The following DPP10 variants were observed in gnomAD, a reference collection of about 807,000 sequenced individuals.
DPP10 encodes the protein dipeptidyl peptidase like 10.
In DPP10, 33 loss-of-function variants were observed where a neutral mutation model predicts 120.9. The ratio of observed to expected loss-of-function variants is 0.27; its 90% CI spans 0.21 to 0.37. DPP10 has a LOEUF of 0.37. Among genes scored for constraint, DPP10 ranks in the 10% least tolerant of loss-of-function variants. The pLI is 1.00. For missense variants in DPP10, 816 were observed against 942.8 expected (o/e 0.87, Z 1.76); for synonymous variants, 337 against 326.1 (o/e 1.03, Z -0.36).
intron 5 of DPP10, among the ~76,000 whole-genome samples, chr2:115,659,295 C>T (rs1045000842): frequency 6.6e-6 from 1 of 152,066 alleles, no homozygotes; most frequent in African/African-American, 2.4e-5. Context: ...TATAGCAGCA[C>T]AAGTGAACTA....
At chr2:114,707,273 A>C (rs970745972) in intron 1 of DPP10, 3 of 152,238 alleles carry the variant, frequency 2.0e-5, no homozygotes, top group Non-Finnish European at 2.9e-5. Context: ...AAATAGGAAG[A>C]GCTGACACTT....
chr2:115,761,557 A>T (rs1192226429), intron 11 of DPP10, among the ~76,000 whole-genome samples: 1 of 152,140 alleles, frequency 6.6e-6, no homozygotes, highest in Non-Finnish European at 1.5e-5. Flanking sequence ...TGGTACTAAC[A>T]AGCAGTGGCA....
At chr2:114,780,004 T>C (rs921940670) in intron 1 of DPP10, among the ~76,000 whole-genome samples, 26 of 151,908 alleles carry the variant, frequency 1.7e-4, no homozygotes, top group African/African-American at 4.6e-4. Flanking sequence ...GGTGTGGTGG[T>C]GGTCGCCTGT....
At chr2:114,552,632 G>A (rs950818672) in intron 1 of DPP10, among the ~76,000 whole-genome samples, 10 of 151,664 alleles carry the variant, frequency 6.6e-5, no homozygotes, top group East Asian at 1.9e-4. Context: ...TGCAACCTCC[G>A]TCTCCCAGGT....
At chr2:115,729,264 G>T (rs1199550360) in intron 8 of DPP10, among the ~76,000 whole-genome samples, 1 of 152,122 alleles carries the variant, frequency 6.6e-6, no homozygotes, top group Admixed American at 6.6e-5. Context: ...GTTAGTTCTG[G>T]CAGTCTAGGT....
intron 1 of DPP10, among the ~76,000 whole-genome samples, chr2:115,083,359 G>A (rs1230863797): frequency 1.3e-5 from 2 of 152,050 alleles, no homozygotes; most frequent in Non-Finnish European, 2.9e-5. Context: ...TCAGATATAT[G>A]TCCCGAGGCC....
chr2:115,490,628 C>A (rs1448457), intron 3 of DPP10, among the ~76,000 whole-genome samples: 2 of 152,086 alleles, frequency 1.3e-5, no homozygotes, highest in African/African-American at 2.4e-5. Flanking sequence ...TCAGAATAAA[C>A]CTCTTTAAAG....
chr2:115,149,637 C>T (rs866489328), intron 1 of DPP10, among the ~76,000 whole-genome samples: 1 of 152,128 alleles, frequency 6.6e-6, no homozygotes, highest in Non-Finnish European at 1.5e-5. Flanking sequence ...ATCTGGTGTG[C>T]TCCTTTTCTT....
At chr2:115,023,120 C>T (rs993889990) in intron 1 of DPP10, among the ~76,000 whole-genome samples, 1 of 152,080 alleles carries the variant, frequency 6.6e-6, no homozygotes, top group South Asian at 2.1e-4. Context: ...AACTCAAAAG[C>T]AAATACAACA....
intron 5 of DPP10, among the ~76,000 whole-genome samples, chr2:115,547,308 AC>A (rs1455075626): frequency 6.6e-6 from 1 of 152,138 alleles, no homozygotes; most frequent in Non-Finnish European, 1.5e-5. Context: ...CAGCACTAAA[AC>A]CTTTTTTTAT....
chr2:114,873,663 C>G (rs1255018903), intron 1 of DPP10, among the ~76,000 whole-genome samples: 1 of 152,048 alleles, frequency 6.6e-6, no homozygotes, highest in African/African-American at 2.4e-5. Flanking sequence ...TAGAGAAATG[C>G]TGGCTAGCCA....
chr2:115,268,212 C>G lies in DPP10; in HGVS notation c.61-41027C>G, dbSNP rs185109502. 3.6e-3 allele frequency among the ~76,000 whole-genome samples: 552 copies of G among 152,224 alleles called. 3 individuals are homozygous for G. The highest frequency in any genetic ancestry group is 0.013 in the African/African-American group (525 of 41,550). On this transcript the variant is annotated intron_variant, in intron 1 of 25. Transcript: ENST00000410059. ...CTAGCTCTTTGCACTTTATATGGCT[C>G]ATCTCATTGAGTTCTTAGAATAACC...
At chr2:115,685,748 G>A (rs1335660387) in intron 5 of DPP10, among the ~76,000 whole-genome samples, 1 of 151,956 alleles carries the variant, frequency 6.6e-6, no homozygotes, top group Admixed American at 6.6e-5. Context: ...TTAAATAAAT[G>A]AATGTAGTTA....
intron 2 of DPP10, among the ~76,000 whole-genome samples, chr2:115,340,415 T>A (rs2063386296): frequency 6.6e-6 from 1 of 152,050 alleles, no homozygotes; most frequent in Non-Finnish European, 1.5e-5. Flanking sequence ...AAAATGAGGA[T>A]GGAATATTTC....
At chr2:114,806,029 A>G (rs539117240) in intron 1 of DPP10, among the ~76,000 whole-genome samples, 1 of 152,234 alleles carries the variant, frequency 6.6e-6, no homozygotes, top group South Asian at 2.1e-4. Flanking sequence ...ATTCTCCATG[A>G]TTTCCAATCC....
intron 1 of DPP10, among the ~76,000 whole-genome samples, chr2:115,238,421 A>G (rs1559293354): frequency 6.6e-6 from 1 of 152,352 alleles, no homozygotes; most frequent in East Asian, 1.9e-4. Context: ...AAGGAGAATA[A>G]TGTTTTCAGG....
chr2:115,746,916 A>G (rs1238124875), intron 10 of DPP10, among the ~76,000 whole-genome samples: 1 of 152,138 alleles, frequency 6.6e-6, no homozygotes, highest in Non-Finnish European at 1.5e-5. Context: ...TGATGTGGGG[A>G]TAAGTTCAAA....
At chr2:115,694,636 G>C (rs890589447) in intron 7 of DPP10, among the ~76,000 whole-genome samples, 2 of 152,158 alleles carry the variant, frequency 1.3e-5, no homozygotes, top group Non-Finnish European at 2.9e-5. Flanking sequence ...GGGAATTATG[G>C]TAGAAAGAGA....
At chr2:114,471,156 T>A (rs1045699520) in intron 1 of DPP10, among the ~76,000 whole-genome samples, 2 of 152,226 alleles carry the variant, frequency 1.3e-5, no homozygotes, top group African/African-American at 4.8e-5. Flanking sequence ...TGATAAATAA[T>A]GTTTCCTCAA....
Sources: gnomAD v4.1 joint callset for allele counts (sites outside exome capture counted in the v4.1 genomes callset) on GRCh38, gnomAD v4.1.1 for gene constraint, MANE v1.5 for transcripts, NCBI Gene and HGNC (gene_info 2026-07-23, HGNC 2026-07-21) for gene names.